CCDC61: variants seen among roughly 807,000 people sequenced by gnomAD.
The protein encoded by CCDC61 is centrosomal protein CCDC61.
In CCDC61, 55 loss-of-function variants were observed where a neutral mutation model predicts 63.0. The ratio of observed to expected loss-of-function variants is 0.87; its 90% confidence interval spans 0.70 to 1.09. The LOEUF (loss-of-function observed/expected upper bound fraction) is 1.09, where lower values mean the gene tolerates loss of function less well. Ranked by LOEUF, CCDC61 falls within the 50% of genes least tolerant of loss-of-function variation. The pLI, the probability that CCDC61 is intolerant of heterozygous loss-of-function variation, is 0.00. For missense variants in CCDC61, 651 were observed against 731.4 expected (o/e 0.89, Z 1.27); for synonymous variants, 270 against 317.0 (o/e 0.85, Z 1.58).
At chr19:45,998,814 G>T (rs953476185) in intron 1 of CCDC61, among the ~76,000 whole-genome samples, 8 of 152,152 alleles carry the variant, frequency 5.3e-5, no homozygotes, top group Non-Finnish European at 1.2e-4. Flanking sequence ...CTTTACTGAT[G>T]GGGGAAGGCC....
At chr19:46,006,436 C>G in intron 3 of CCDC61, 123 bp from the exon 4 acceptor site, 1 of 909,074 alleles carries the variant, frequency 1.1e-6, no homozygotes, top group Non-Finnish European at 1.6e-6. Flanking sequence ...GATTGCCAGC[C>G]TTCGCGTAGG....
chr19:46,010,518 A>G (rs56210290), intron 5 of CCDC61, among the ~76,000 whole-genome samples: 421 of 152,214 alleles, frequency 2.8e-3, no homozygotes, highest in African/African-American at 9.9e-3. Flanking sequence ...GAAGAGGGAG[A>G]GAAGGTTCTG....
chr19:46,018,061 A>G lies in CCDC61; in HGVS notation c.1369-17A>G, dbSNP rs2146493013. On this transcript the variant is annotated splice_polypyrimidine_tract_variant and intron_variant, in intron 12 of 13. Transcript: ENST00000595358. The surrounding 1 kb of genome is among the most constrained non-coding windows in gnomAD (Gnocchi z 4.2). ...GGGACGGTGGGTGACCCCCTTTCCT[A>G]CCTTCCCCATCACCAGAAGTCTCCC... 8 of 1,601,960 alleles carry G rather than the reference A, an allele frequency of 5.0e-6. No homozygotes were observed. The highest frequency in any genetic ancestry group is 6.8e-6 in the Non-Finnish European group (8 of 1,174,458).
At chr19:46,002,909 A>G (rs1968617458) in intron 1 of CCDC61, 99 bp from the exon 2 acceptor site, 2 of 1,218,718 alleles carry the variant, frequency 1.6e-6, no homozygotes, top group Non-Finnish European at 2.3e-6. Context: ...AGGATGCCAC[A>G]GCTGGTAAAT....
chr19:46,017,347 C>G (rs1350167247), intron 12 of CCDC61, 43 bp downstream of exon 12: 1 of 1,518,030 alleles, frequency 6.6e-7, no homozygotes, highest in African/African-American at 1.4e-5. Context: ...CACAGCTGCC[C>G]CCATTTCCTG....
chr19:46,015,297 G>A lies in CCDC61; in HGVS notation c.762+38G>A. 6.4e-7 allele frequency: 1 copy of A among 1,567,710 alleles called. No individual in the cohort carries two copies. The highest frequency in any genetic ancestry group is 8.6e-7 in the Non-Finnish European group (1 of 1,165,886). On this transcript the variant is annotated intron_variant, in intron 6 of 13. Transcript: ENST00000595358. The surrounding 1 kb of genome is among the most constrained non-coding windows in gnomAD (Gnocchi z 5.3). ...GGCCCGGGGCGGCCAGCGAGGCGCGGACCTCGGCCTCAGCCTGGACCTCCG... is the reference window on the plus strand; with the variant it reads ...GGCCCGGGGCGGCCAGCGAGGCGCGAACCTCGGCCTCAGCCTGGACCTCCG...
intron 3 of CCDC61, among the ~76,000 whole-genome samples, chr19:46,004,259 AT>A (rs1968654029): frequency 6.6e-6 from 1 of 152,090 alleles, no homozygotes. Flanking sequence ...CTTTTAAAGG[AT>A]TCAGCAATAT....
chr19:46,005,164 T>C (rs1027862541), intron 3 of CCDC61, among the ~76,000 whole-genome samples: 14 of 152,146 alleles, frequency 9.2e-5, no homozygotes, highest in South Asian at 8.3e-4. Context: ...GCATGCGCCA[T>C]CATGCCCGGC....
intron 5 of CCDC61, among the ~76,000 whole-genome samples, chr19:46,011,984 G>T (rs1968837468): frequency 6.6e-6 from 1 of 152,104 alleles, no homozygotes; most frequent in Admixed American, 6.5e-5. Context: ...TGCATTTTTA[G>T]TAGAGACGGG....
chr19:46,009,802 CTGTGTGTGTGTGTA>C (rs1307928513), intron 5 of CCDC61, among the ~76,000 whole-genome samples: 11 of 128,322 alleles, frequency 8.6e-5, no homozygotes, highest in African/African-American at 3.1e-4. Context: ...TGCTCTCAGG[CTGTGTGTGTGTGTA>C]TGTGTGTGTG....
chr19:46,017,348 C>T (rs1383058943), intron 12 of CCDC61, 44 bp downstream of exon 12: 9 of 1,514,106 alleles, frequency 5.9e-6, no homozygotes, highest in Non-Finnish European at 8.0e-6. Context: ...ACAGCTGCCC[C>T]CATTTCCTGT....
chr19:45,997,157 T>C (rs1392045094), intron 1 of CCDC61, among the ~76,000 whole-genome samples: 1 of 152,116 alleles, frequency 6.6e-6, no homozygotes, highest in Admixed American at 6.6e-5. Context: ...GTACTCGCTG[T>C]CCCTGAACGC....
intron 3 of CCDC61, among the ~76,000 whole-genome samples, chr19:46,005,363 A>T (rs1968686509): frequency 6.6e-6 from 1 of 152,148 alleles, no homozygotes; most frequent in Non-Finnish European, 1.5e-5. Context: ...CTGCATCCTC[A>T]TCAGTGAACT....
At chr19:46,006,760 G>A in intron 4 of CCDC61, 44 bp downstream of exon 4, 1 of 1,554,296 alleles carries the variant, frequency 6.4e-7, no homozygotes, top group Non-Finnish European at 8.8e-7. Flanking sequence ...GGTGGGCGGG[G>A]TGGGAGAGGA....
rs1446133520 is a variant in CCDC61 at position 46,017,065 on chromosome 19, A to G, written c.1306A>G (p.Arg436Gly). ...DLEDFSESLS[R>G]GGHRRRGKPP... ...GGAGGATTTCTCTGAGTCGCTCTCC[A>G]GAGGGTAAAACTTGAACTTGGGAAA... The change falls in exon 11 of 14, where the codon AGA (arginine) becomes GGA (glycine). Residue 436 changes from arginine to glycine, a missense_variant. By Grantham distance (125) the Arg-to-Gly change is moderately radical. Coordinates refer to ENST00000595358, the MANE Select transcript of CCDC61 (RefSeq NM_001267723.2). 1 of 1,612,050 alleles carries G rather than the reference A, an allele frequency of 6.2e-7. No homozygotes were observed. Among genetic ancestry groups the G allele is most frequent in the Non-Finnish European group, 8.5e-7 (1 of 1,179,110 alleles).
Position 46,016,467 on chromosome 19 carries a change from C to A in CCDC61, c.1091+74C>A. 6.5e-7 allele frequency: 1 copy of A among 1,543,250 alleles called. No individual in the cohort carries two copies. Among genetic ancestry groups the A allele is most frequent in the Non-Finnish European group, 8.9e-7 (1 of 1,123,356 alleles). ...GCTCCCGGGCTCTCATCTCTCCACG[C>A]CACCATCAGTCTCCATCCCCTGCCA... On this transcript the variant is annotated intron_variant, in intron 9 of 13. Transcript: ENST00000595358. The surrounding 1 kb of genome is among the most constrained non-coding windows in gnomAD (Gnocchi z 7.2).
At chr19:46,008,990 C>T (rs899124604) in intron 5 of CCDC61, among the ~76,000 whole-genome samples, 3 of 152,172 alleles carry the variant, frequency 2.0e-5, no homozygotes, top group African/African-American at 7.2e-5. Context: ...CTCCCTGCCA[C>T]TCACGTAGTG....
intron 4 of CCDC61, 116 bp from the exon 5 acceptor site, chr19:46,008,024 C>A: frequency 8.9e-7 from 1 of 1,117,604 alleles, no homozygotes; most frequent in Non-Finnish European, 1.3e-6. Flanking sequence ...GCCTCTAGGA[C>A]AGTGCAGTTT....
intron 1 of CCDC61, among the ~76,000 whole-genome samples, chr19:46,001,846 T>C (rs569003340): frequency 3.3e-5 from 5 of 152,376 alleles, no homozygotes; most frequent in Non-Finnish European, 4.4e-5. Flanking sequence ...TTTCATTAGA[T>C]TCTCAAAGGC....
Sources: gnomAD v4.1 joint callset for allele counts (sites outside exome capture counted in the v4.1 genomes callset) on GRCh38, gnomAD v4.1.1 for gene constraint, Gnocchi (gnomAD v3.1) non-coding constraint, MANE v1.5 for transcripts, NCBI Gene and HGNC (gene_info 2026-07-23, HGNC 2026-07-21) for gene names.